Variants in ARHGAP39 observed in about 807,000 individuals in gnomAD.
ARHGAP39 encodes the protein Rho GTPase activating protein 39, also known as rho GTPase-activating protein 39.
A neutral mutation model predicts 106.9 loss-of-function variants in ARHGAP39; 44 were observed. The observed-to-expected ratio is 0.41, with a 90% CI of 0.32 to 0.53. ARHGAP39 has a LOEUF of 0.53. Among genes scored for constraint, ARHGAP39 ranks in the 20% least tolerant of loss-of-function variants. ARHGAP39 has a pLI of 0.21. For synonymous variants in ARHGAP39, 768 were observed against 693.2 expected (o/e 1.11, Z -1.69); for missense variants, 1,496 against 1,577.3 (o/e 0.95, Z 0.87).
At position 144,530,618 on chromosome 8, in the gene ARHGAP39, T is replaced by A; in HGVS notation, c.3151-2A>T. 9.2e-7 allele frequency: 1 copy of A among 1,086,462 alleles called. No individual in the cohort carries two copies. Among genetic ancestry groups the A allele is most frequent in the Non-Finnish European group, 1.1e-6 (1 of 880,052 alleles). The allele number at this position is 1,086,462 out of a possible 1,614,324, so 67.3% of individuals were successfully genotyped here. ...GACGTTGGCCGGCTGCACGAAGACC[T>A]GGTGGAGGAGCGAGGGTGGGCGCGG... On this transcript the variant is annotated splice_acceptor_variant, in intron 11 of 11. Coordinates refer to ENST00000377307, the MANE Select transcript of ARHGAP39 (RefSeq NM_025251.3). LOFTEE classifies it high-confidence loss of function.
chr8:144,623,442 A>C (rs1336591663), intron 1 of ARHGAP39, among the ~76,000 whole-genome samples: 1 of 152,222 alleles, frequency 6.6e-6, no homozygotes, highest in Admixed American at 6.5e-5. Context: ...CTAAAGTATA[A>C]GGGCAGGAAA....
chr8:144,530,156 C>G lies in ARHGAP39; in HGVS notation c.*266G>C. 9.8e-6 allele frequency: 5 copies of G among 512,214 alleles called. No individual in the cohort carries two copies. The allele number at this position is 512,214 out of a possible 1,614,324, so 31.7% of individuals were successfully genotyped here. A position where few individuals can be genotyped will look rare whatever the true frequency, so the allele number is the denominator to read the frequency against. On this transcript the variant is annotated 3_prime_UTR_variant, in exon 12 of 12. Transcript: ENST00000377307. Reference sequence around the variant, plus strand: ...CAGAAGGCACTTTCTCGGAGCTGACCCGCGGCCAGCGGAGGGCGAGGCGGT... The same window carrying G: ...CAGAAGGCACTTTCTCGGAGCTGACGCGCGGCCAGCGGAGGGCGAGGCGGT...
chr8:144,674,806 G>A (rs955775750), intron 1 of ARHGAP39, among the ~76,000 whole-genome samples: 1 of 152,248 alleles, frequency 6.6e-6, no homozygotes, highest in African/African-American at 2.4e-5. Context: ...CGAGAAGGCA[G>A]GGGGCTGGCA....
Position 144,581,277 on chromosome 8 carries a change from C to T in ARHGAP39, c.81G>A (p.Arg27=). Reference sequence around the variant, plus strand: ...GTTCGATGATCTCCACCCACTCCAACCTGGGGAGAGACAGGGTTAAGGCGG... The same window carrying T: ...GTTCGATGATCTCCACCCACTCCAATCTGGGGAGAGACAGGGTTAAGGCGG... ...PESRIPGSNT[R]LEWVEIIEPR... Residue 27 remains arginine, a splice_region_variant and synonymous_variant, in exon 3 of 12, where the codon CGG becomes CGA. Transcript: ENST00000377307. 6.5e-7 allele frequency: 1 copy of T among 1,542,694 alleles called. No individual in the cohort carries two copies. The highest frequency in any genetic ancestry group is 2.4e-5 in the East Asian group (1 of 40,976).
In ARHGAP39 at chr8:144,605,548, C is replaced by T. The variant is rs1236693496; in HGVS notation, c.67G>A (p.Gly23Arg). 1 of 1,613,916 alleles carries T rather than the reference C, an allele frequency of 6.2e-7. No homozygotes were observed. Among genetic ancestry groups the T allele is most frequent in the South Asian group, 1.1e-5 (1 of 91,092 alleles). ...NVDLPESRIP[G>R]SNTRLEWVEI... ...TCGGCTCCTTACCGAGTGTTCGACC[C>T]TGGAATCCTCGACTCCGGCAGGTCG... Residue 23 changes from glycine to arginine, a missense_variant, in exon 2 of 12, where the codon GGG becomes AGG. Around this residue, in one of 4 missense-constraint regions of ARHGAP39, gnomAD observed 96 missense variants for 107.9 expected, o/e 0.89. Transcript: ENST00000377307.
chr8:144,668,731 T>A (rs1221567117), intron 1 of ARHGAP39, among the ~76,000 whole-genome samples: 1 of 152,004 alleles, frequency 6.6e-6, no homozygotes, highest in Non-Finnish European at 1.5e-5. Flanking sequence ...GGCAGAACAC[T>A]CCACACTGAT....
At chr8:144,620,844 A>G (rs146206560) in intron 1 of ARHGAP39, among the ~76,000 whole-genome samples, 27 of 152,366 alleles carry the variant, frequency 1.8e-4, no homozygotes, top group Non-Finnish European at 2.8e-4. Context: ...AGGGGCCGTG[A>G]GGACCGGCAG....
intron 1 of ARHGAP39, among the ~76,000 whole-genome samples, chr8:144,666,593 G>T (rs569566244): frequency 6.6e-6 from 1 of 152,214 alleles, no homozygotes; most frequent in South Asian, 2.1e-4. Flanking sequence ...ATGGGTTTAT[G>T]GGGGGCTTCT....
rs1013305638 is a variant in ARHGAP39, at chr8:144,646,508, C to T, written c.-82+39178G>A. 2.0e-5 allele frequency among the ~76,000 whole-genome samples: 3 copies of T among 152,154 alleles called. No individual in the cohort carries two copies. In the South Asian group the frequency reaches 6.2e-4, roughly 32 times the overall value. ...AGAAAGAAATGAGGAATAGCAGGGA[C>T]ACCAAAAGACAGGAGGCGAATCGGC... On this transcript the variant is annotated intron_variant, in intron 1 of 11. Transcript: ENST00000377307. This position sits in a 1 kb window ranked among gnomAD's most constrained non-coding sequence, Gnocchi z 5.7.
chr8:144,561,248 GTGGTGTCCATCAGACCCCAGTGGTT>G (rs1225473499), intron 3 of ARHGAP39, among the ~76,000 whole-genome samples: 7 of 151,928 alleles, frequency 4.6e-5, no homozygotes, highest in African/African-American at 1.7e-4. Flanking sequence ...TCACACTCCA[GTGGTGTCCATCAGACCCCAGTGGTT>G]TCCATCACAC....
intron 1 of ARHGAP39, among the ~76,000 whole-genome samples, chr8:144,614,503 C>A (rs1453328133): frequency 6.6e-6 from 1 of 152,188 alleles, no homozygotes; most frequent in Non-Finnish European, 1.5e-5. Flanking sequence ...CAGGTGCATG[C>A]CACCACGCCC....
rs1422073698 is a variant in ARHGAP39, at chr8:144,645,170, C to T, written c.-81-39475G>A. Among the ~76,000 whole-genome samples, 3 of 152,264 alleles carry T rather than the reference C, an allele frequency of 2.0e-5. No homozygotes were observed. Among genetic ancestry groups the T allele is most frequent in the Non-Finnish European group, 2.9e-5 (2 of 68,046 alleles). On this transcript the variant is annotated intron_variant, in intron 1 of 11. Coordinates refer to ENST00000377307, the MANE Select transcript of ARHGAP39 (RefSeq NM_025251.3). This position sits in a 1 kb window ranked among gnomAD's most constrained non-coding sequence, Gnocchi z 4.4. ...CACAGCTCCAAAACCCCATCCCTCT[C>T]ATACTCAGAGCTGCAGATGCCAGTG...
chr8:144,685,178 A>C (rs1822549777), intron 1 of ARHGAP39, among the ~76,000 whole-genome samples: 1 of 138,434 alleles, frequency 7.2e-6, no homozygotes. Context: ...GAGCACACTC[A>C]CACCCCCCTG....
At chr8:144,627,848 C>T (rs1344397809) in intron 1 of ARHGAP39, among the ~76,000 whole-genome samples, 2 of 152,222 alleles carry the variant, frequency 1.3e-5, no homozygotes, top group Admixed American at 6.5e-5. Context: ...CACCCTGGAC[C>T]CCTTGCCCTC....
chr8:144,570,908 T>C (rs375918850), intron 3 of ARHGAP39, among the ~76,000 whole-genome samples: 31 of 152,108 alleles, frequency 2.0e-4, no homozygotes, highest in African/African-American at 6.8e-4. Flanking sequence ...CCTGGACACA[T>C]ACACCCTCCC....
Position 144,585,413 on chromosome 8 carries a change from C to A in ARHGAP39, c.81-4136G>T, listed in dbSNP as rs1819144303. Among the ~76,000 whole-genome samples the A allele has an allele frequency of 6.6e-6, 1 of 151,210 alleles. No individual in the cohort carries two copies. Among genetic ancestry groups the A allele is most frequent in the Admixed American group, 6.6e-5 (1 of 15,216 alleles). On this transcript the variant is annotated intron_variant, in intron 2 of 11. Coordinates refer to ENST00000377307, the MANE Select transcript of ARHGAP39 (RefSeq NM_025251.3). The surrounding 1 kb of genome is among the most constrained non-coding windows in gnomAD (Gnocchi z 4.6). ...CCGGCTCACCGAGAACCTGGAGGGG[C>A]CAGCCAGGGGTACCCAGCACCGGCT...
At chr8:144,534,318 C>T (rs1482506451) in intron 7 of ARHGAP39, 116 bp from the exon 8 acceptor site, 32 of 1,112,384 alleles carry the variant, frequency 2.9e-5, no homozygotes, top group South Asian at 4.0e-5. Flanking sequence ...GGCCTTGCCC[C>T]GGTCACCCCC....
chr8:144,536,192 C>T (rs116821811), intron 7 of ARHGAP39, among the ~76,000 whole-genome samples: 2,813 of 152,290 alleles, frequency 0.018, 78 homozygotes, highest in African/African-American at 0.064. Context: ...CATCCCCCTC[C>T]GGCTGTAGGC....
chr8:144,687,800 G>A (rs1416008314), upstream of ARHGAP39, among the ~76,000 whole-genome samples: 1 of 123,116 alleles, frequency 8.1e-6, no homozygotes, highest in Non-Finnish European at 1.6e-5. Flanking sequence ...CCCACCCCGT[G>A]ACCACACACT....
Sources: gnomAD v4.1 joint callset for allele counts (sites outside exome capture counted in the v4.1 genomes callset) on GRCh38, gnomAD v4.1.1 for gene constraint, gnomAD v4.1.1 regional missense constraint, Gnocchi (gnomAD v3.1) non-coding constraint, MANE v1.5 for transcripts, NCBI Gene and HGNC (gene_info 2026-07-23, HGNC 2026-07-21) for gene names.